Variants in HDAC6 observed in about 807,000 individuals in gnomAD.
HDAC6 encodes histone deacetylase 6.
In HDAC6, 5 loss-of-function variants were observed where a neutral mutation model predicts 88.9. The observed-to-expected ratio is 0.06, with a 90% confidence interval of 0.03 to 0.12. The LOEUF is 0.12. Ranked by LOEUF, HDAC6 falls within the 10% of genes least tolerant of loss-of-function variation. The pLI is 1.00. For missense variants in HDAC6, 706 were observed against 1,014.4 expected, an observed-to-expected ratio of 0.70 and a Z score of 4.13; for synonymous variants, 378 against 398.0, an observed-to-expected ratio of 0.95 and a Z score of 0.60.
intron 10 of HDAC6, among the ~76,000 whole-genome samples, chrX:48,811,706 A>G (rs1350529518): frequency 3.6e-5 from 4 of 112,126 alleles, no homozygotes; most frequent in Non-Finnish European, 7.5e-5. Flanking sequence ...TGTTGTACTT[A>G]TCTTTTCCAG....
intron 22 of HDAC6, chrX:48,819,872 C>G (rs1557029102): frequency 2.0e-6 from 1 of 489,638 alleles, no homozygotes; most frequent in Non-Finnish European, 3.7e-6. Flanking sequence ...CTCCATGTCT[C>G]TAAGTCTGCA....
chrX:48,819,477 T>C (rs892741482), intron 22 of HDAC6: 2 of 135,296 alleles, frequency 1.5e-5, no homozygotes, highest in Admixed American at 7.8e-5. Context: ...TGTGAGGACA[T>C]GTCTCTGTCT....
chrX:48,802,719 C>A lies in HDAC6; in HGVS notation c.27C>A (p.Thr9=), dbSNP rs1017706617. Residue 9 remains threonine (T), a synonymous_variant, in exon 2 of 29, where the codon ACC becomes ACA. Coordinates refer to ENST00000334136, the MANE Select transcript of HDAC6 (RefSeq NM_006044.4). MTSTGQDS[T]TTRQRRSRQN... ...TGACCTCAACCGGCCAGGATTCCAC[C>A]ACAACCAGGCAGCGAAGAAGTAGGC... 1.7e-6 allele frequency: 2 copies of A among 1,208,586 alleles called. No individual in the cohort carries two copies.
At position 48,823,988 on chromosome X, in the gene HDAC6, G is replaced by A. The variant is rs149349604; in HGVS notation, c.3370G>A (p.Ala1124Thr). The A allele has an allele frequency of 1.7e-6, 2 of 1,209,804 alleles. No homozygotes were observed. Among genetic ancestry groups the A allele is most frequent in the Non-Finnish European group, 2.2e-6 (2 of 894,921 alleles). Residue 1124 changes from alanine (A) to threonine (T), a missense_variant, in exon 27 of 29, where the codon GCA becomes ACA. Physicochemically the swap from Ala to Thr is moderately conservative, Grantham distance 58. Around this residue, in one of 9 missense-constraint regions of HDAC6, gnomAD observed 112 missense variants for 95.1 expected, o/e 1.18. Coordinates refer to ENST00000334136, the MANE Select transcript of HDAC6 (RefSeq NM_006044.4). ...PHLVAVCPIP[A>T]AGLDVTQPCG... ...TTTGGTGGCAGTATGCCCCATACCT[G>A]CAGCAGGCCTAGACGTGACCCAACC...
chrX:48,824,624 C>T lies in HDAC6; in HGVS notation c.*12C>T, dbSNP rs188950679. 12 of 1,205,589 alleles carry T rather than the reference C, an allele frequency of 1.0e-5. No homozygotes were observed. Among genetic ancestry groups the T allele is most frequent in the South Asian group, 5.3e-5 (3 of 56,208 alleles). ...CCCACCCACACTAAGCCCCAGAATA[C>T]GGTCCCTCTTCACCTTCTGAGGCCC... is the stretch of plus-strand genomic sequence containing the variant. On this transcript the variant is annotated 3_prime_UTR_variant, in exon 29 of 29. Transcript: ENST00000334136.
intron 20 of HDAC6, 57 bp from the exon 21 acceptor site, chrX:48,817,984 C>T: frequency 9.3e-7 from 1 of 1,073,984 alleles, no homozygotes; most frequent in Non-Finnish European, 1.3e-6. Context: ...GGGTCTAGCC[C>T]AGCCCTCTTC....
chrX:48,806,842 T>C (rs141405349), intron 8 of HDAC6, 136 bp downstream of exon 8: 6,651 of 426,550 alleles, frequency 0.016, 42 homozygotes, highest in Middle Eastern at 0.038. Flanking sequence ...TAAAAATCTG[T>C]CTCCCATCCT....
Position 48,819,792 on chromosome X carries a change from G to A in HDAC6, c.2188-314G>A, listed in dbSNP as rs1287546806. 11 of 343,825 alleles carry A rather than the reference G, an allele frequency of 3.2e-5. No individual in the cohort carries two copies. The Middle Eastern group carries it at 1.3e-3, about 40-fold the overall frequency. 28.3% of individuals were successfully genotyped at this position (343,825 alleles called of 1,213,427 possible). On this transcript the variant is annotated intron_variant, in intron 22 of 28. Transcript: ENST00000334136. Reference sequence around the variant, plus strand: ...TCTGACCTCATGATCTGCCCGCCTCGGCCTCCCAAAGTGCTGGGATTACAG... The same window carrying A: ...TCTGACCTCATGATCTGCCCGCCTCAGCCTCCCAAAGTGCTGGGATTACAG...
At chrX:48,802,341 G>A (rs2062739042) in intron 1 of HDAC6, 199 bp downstream of exon 1, 2 of 884,608 alleles carry the variant, frequency 2.3e-6, no homozygotes, top group South Asian at 6.0e-5. Flanking sequence ...GAGTAGAAGG[G>A]GCGGTGATTG....
intron 10 of HDAC6, among the ~76,000 whole-genome samples, chrX:48,813,098 AG>A (rs1557026256): frequency 1.8e-5 from 2 of 111,802 alleles, no homozygotes; most frequent in African/African-American, 6.5e-5. Context: ...TAGTAGAGAC[AG>A]GGTTTCGCCA....
At chrX:48,821,143 T>A (rs1389820210) in intron 23 of HDAC6, among the ~76,000 whole-genome samples, 2 of 110,996 alleles carry the variant, frequency 1.8e-5, no homozygotes, top group African/African-American at 6.6e-5. Context: ...TGGCCCCTGG[T>A]TACTGTTATG....
chrX:48,823,848 G>A, intron 26 of HDAC6, 63 bp downstream of exon 26: 1 of 1,197,441 alleles, frequency 8.4e-7, no homozygotes, highest in Non-Finnish European at 1.1e-6. Context: ...TCTCCAGGTA[G>A]GAGCATGTGA....
At chrX:48,806,241 ATCCTGGCTAT>A in intron 6 of HDAC6, 117 bp from the exon 7 acceptor site, 2 of 484,937 alleles carry the variant, frequency 4.1e-6, no homozygotes, top group Non-Finnish European at 7.5e-6. Flanking sequence ...TGTGTCTTAT[ATCCTGGCTAT>A]TCCTTCAGGT....
chrX:48,802,474 C>G, intron 1 of HDAC6, 189 bp from the exon 2 acceptor site: 2 of 1,062,995 alleles, frequency 1.9e-6, no homozygotes, highest in Non-Finnish European at 1.2e-6. Context: ...CGGGCGGGGC[C>G]GGGTAGAATG....
chrX:48,809,880 T>A (rs782686853), intron 10 of HDAC6, among the ~76,000 whole-genome samples: 28 of 110,495 alleles, frequency 2.5e-4, no homozygotes, highest in Non-Finnish European at 4.2e-4. Flanking sequence ...CCTGTAGTAG[T>A]TTTATCTAGC....
At chrX:48,815,276 TC>T (rs2062964831) in intron 14 of HDAC6, 107 bp from the exon 15 acceptor site, 1 of 611,021 alleles carries the variant, frequency 1.6e-6, no homozygotes, top group Admixed American at 2.8e-5. Flanking sequence ...CCTTCTAAGT[TC>T]CTTGTTGCTT....
chrX:48,808,153 C>A lies in HDAC6; in HGVS notation c.737+16C>A. 8.6e-7 allele frequency: 1 copy of A among 1,167,016 alleles called. No individual in the cohort carries two copies. Among genetic ancestry groups the A allele is most frequent in the Non-Finnish European group, 1.2e-6 (1 of 857,996 alleles). On this transcript the variant is annotated intron_variant, in intron 9 of 28. Transcript: ENST00000334136. ...GCATCCGGAGGTCAGCAACAGAGGG[C>A]AGATGTGATGGGGGTGGCATGGGGT...
At chrX:48,807,221 C>T (rs1311485604) in intron 8 of HDAC6, among the ~76,000 whole-genome samples, 1 of 112,126 alleles carries the variant, frequency 8.9e-6, no homozygotes, top group African/African-American at 3.2e-5. Context: ...ATCTTGGAAA[C>T]CTTTCTCTAA....
At chrX:48,809,880 T>C (rs782686853) in intron 10 of HDAC6, among the ~76,000 whole-genome samples, 1 of 110,495 alleles carries the variant, frequency 9.1e-6, no homozygotes, top group Non-Finnish European at 1.9e-5. Flanking sequence ...CCTGTAGTAG[T>C]TTTATCTAGC....
Sources: allele counts gnomAD v4.1 joint callset (sites outside exome capture counted in the v4.1 genomes callset), GRCh38; gene constraint gnomAD v4.1.1; regional missense constraint gnomAD v4.1.1; transcripts MANE v1.5; gene names NCBI Gene and HGNC (gene_info 2026-07-23, HGNC 2026-07-21).